The following MRC2 variants were observed in gnomAD, a reference collection of about 807,000 sequenced individuals.
MRC2 encodes C-type mannose receptor 2.
MRC2 carries 84 observed loss-of-function variants against 206.2 expected under a neutral mutation model. The ratio of observed to expected loss-of-function variants is 0.41; its 90% CI spans 0.34 to 0.49. The LOEUF is 0.49. Ranked by LOEUF, MRC2 falls within the 20% of genes least tolerant of loss-of-function variation. MRC2 has a pLI of 0.31. For missense variants in MRC2, 1,676 were observed against 2,001.5 expected, an observed-to-expected ratio of 0.84 and a Z score of 3.10; for synonymous variants, 798 against 800.0, an observed-to-expected ratio of 1.00 and a Z score of 0.04.
chr17:62,627,756 G>T lies in MRC2; in HGVS notation c.-47G>T. ...CCTCGGGGCTGCCACAGCGCGTTGC[G>T]CCTGTGCGCCCTCGGTCCCCGCGTC... On this transcript the variant is annotated 5_prime_UTR_variant, in exon 1 of 30. Coordinates refer to ENST00000303375, the MANE Select transcript of MRC2 (RefSeq NM_006039.5). 1 of 1,331,132 alleles carries T rather than the reference G, an allele frequency of 7.5e-7. No individual in the cohort carries two copies. The highest frequency in any genetic ancestry group is 1.8e-5 in the South Asian group (1 of 55,724). 82.5% of individuals were successfully genotyped at this position (1,331,132 alleles called of 1,614,324 possible). A position where few individuals can be genotyped will look rare whatever the true frequency, so the allele number is the denominator to read the frequency against.
chr17:62,647,157 G>A (rs2088498663), intron 1 of MRC2, among the ~76,000 whole-genome samples: 1 of 149,918 alleles, frequency 6.7e-6, no homozygotes, highest in South Asian at 2.1e-4. Flanking sequence ...TAAAAATGAA[G>A]TTATACTATA....
Position 62,690,233 on chromosome 17 carries a change from C to A in MRC2, c.3820C>A (p.Arg1274=), listed in dbSNP as rs147759673. ...GLADSAWIPF[R]EHCYSFHMEL... is the part of the protein sequence containing the mutation. ...GGCAGACTCCGCGTGGATTCCCTTC[C>A]GGGAGCACTGCTATTCTTTCCACAT... Residue 1274 remains arginine (R), a synonymous_variant, in exon 26 of 30, where the codon CGG becomes AGG. Transcript: ENST00000303375. The A allele has an allele frequency of 1.2e-4, 199 of 1,613,354 alleles. No individual in the cohort carries two copies. Among genetic ancestry groups the A allele is most frequent in the Non-Finnish European group, 1.6e-4 (191 of 1,179,732 alleles).
intron 1 of MRC2, among the ~76,000 whole-genome samples, chr17:62,634,380 A>G (rs1297715108): frequency 6.6e-6 from 1 of 151,896 alleles, no homozygotes; most frequent in African/African-American, 2.4e-5. Context: ...GGCTCACTGC[A>G]ACCTCTGCCT....
rs1406671521 is a variant in MRC2, at chr17:62,689,598, C to T, written c.3411C>T (p.Phe1137=). 6.2e-7 allele frequency: 1 copy of T among 1,604,032 alleles called. No homozygotes were observed. The highest frequency in any genetic ancestry group is 8.5e-7 in the Non-Finnish European group (1 of 1,175,738). ...GTELSYLNGT[F]RLLQKPLRWH... ...AGCTCTCCTACCTCAACGGCACCTT[C>T]CGGCTGCTTCAGAAGCCGCTGCGCT... Residue 1137 remains phenylalanine, a synonymous_variant, in exon 24 of 30, where the codon TTC becomes TTT. Transcript: ENST00000303375.
intron 1 of MRC2, among the ~76,000 whole-genome samples, chr17:62,637,808 C>T (rs1388528962): frequency 6.6e-6 from 1 of 152,198 alleles, no homozygotes; most frequent in Admixed American, 6.5e-5. Flanking sequence ...CCTCAAACAC[C>T]TCCAGAGCAA....
chr17:62,631,783 C>G (rs774902958), intron 1 of MRC2, among the ~76,000 whole-genome samples: 1 of 152,176 alleles, frequency 6.6e-6, no homozygotes, highest in Non-Finnish European at 1.5e-5. Context: ...AAGTGAGTGA[C>G]TCAAGGTGCC....
At position 62,690,309 on chromosome 17, in the gene MRC2, G is replaced by A. The variant is rs2089091096; in HGVS notation, c.3892+4G>A. The A allele has an allele frequency of 6.2e-7, 1 of 1,608,240 alleles. No homozygotes were observed. Among genetic ancestry groups the A allele is most frequent in the Non-Finnish European group, 8.5e-7 (1 of 1,176,988 alleles). ...GCGCGACAGCGCTGCCAGAGAGGTG[G>A]GTGACCAGGCCAGAGCCCACACATG... is the stretch of plus-strand genomic sequence containing the variant. On this transcript the variant is annotated splice_donor_region_variant and intron_variant, in intron 26 of 29. Coordinates refer to ENST00000303375, the MANE Select transcript of MRC2 (RefSeq NM_006039.5).
intron 1 of MRC2, among the ~76,000 whole-genome samples, chr17:62,644,250 C>A (rs142061037): frequency 1.2e-3 from 183 of 151,898 alleles, no homozygotes; most frequent in African/African-American, 4.3e-3. Flanking sequence ...GAAACCCTGT[C>A]TCTACTAAAA....
intron 1 of MRC2, among the ~76,000 whole-genome samples, chr17:62,663,822 T>C (rs2088709037): frequency 6.6e-6 from 1 of 152,048 alleles, no homozygotes; most frequent in East Asian, 1.9e-4. Flanking sequence ...AAGGAGAATT[T>C]TGGCAGAAAA....
At chr17:62,655,916 A>G (rs912076429) in intron 1 of MRC2, among the ~76,000 whole-genome samples, 1 of 151,962 alleles carries the variant, frequency 6.6e-6, no homozygotes, top group African/African-American at 2.4e-5. Context: ...CAGAGGCTGT[A>G]TCTTCTTTTG....
chr17:62,666,399 T>C lies in MRC2; in HGVS notation c.695-56T>C, dbSNP rs2088755409. The C allele has an allele frequency of 6.2e-7, 1 of 1,610,294 alleles. No individual in the cohort carries two copies. The highest frequency in any genetic ancestry group is 8.5e-7 in the Non-Finnish European group (1 of 1,178,850). ...TGTAGCCTTTTGGTGGGGGAGGGTC[T>C]GCACTCCCGAGGGACCCTGGAGGGG... On this transcript the variant is annotated intron_variant, in intron 3 of 29. Coordinates refer to ENST00000303375, the MANE Select transcript of MRC2 (RefSeq NM_006039.5). The surrounding 1 kb of genome is among the most constrained non-coding windows in gnomAD (Gnocchi z 5.0).
At chr17:62,669,201 G>A (rs1161774641) in intron 6 of MRC2, among the ~76,000 whole-genome samples, 1 of 151,798 alleles carries the variant, frequency 6.6e-6, no homozygotes. Flanking sequence ...GCCAATGATC[G>A]ACTCAGGACT....
intron 1 of MRC2, among the ~76,000 whole-genome samples, chr17:62,657,651 T>A (rs780804658): frequency 9.3e-6 from 1 of 107,896 alleles, no homozygotes; most frequent in Non-Finnish European, 1.9e-5. Flanking sequence ...TGGGTGAGGC[T>A]GGAGGGGCCC....
intron 1 of MRC2, among the ~76,000 whole-genome samples, chr17:62,628,547 A>C (rs1217893694): frequency 2.6e-5 from 4 of 152,184 alleles, no homozygotes; most frequent in African/African-American, 9.7e-5. Context: ...ACGCAGCAAC[A>C]GGCTGGGCGC....
intron 19 of MRC2, 127 bp downstream of exon 19, chr17:62,682,064 C>A: frequency 9.1e-7 from 1 of 1,101,230 alleles, no homozygotes; most frequent in Non-Finnish European, 1.3e-6. Context: ...AGGCTAGACT[C>A]AGCGAGGGGT....
chr17:62,679,595 A>G, intron 13 of MRC2: 1 of 454,810 alleles, frequency 2.2e-6, no homozygotes, highest in Non-Finnish European at 3.9e-6. Flanking sequence ...GGCTTGGTCC[A>G]GCTCTCCCCA....
chr17:62,627,817 G>A lies in MRC2; in HGVS notation c.15G>A (p.Arg5=). The stretch of plus-strand genomic sequence containing the variant: ...CGCGCTCGGGGATGGGGCCCGGCCG[G>A]CCGGCCCCCGCGCCCTGGCCTCGTC... MGPG[R]PAPAPWPRHL... Residue 5 remains arginine, a synonymous_variant, in exon 1 of 30, where the codon CGG becomes CGA. Coordinates refer to ENST00000303375, the MANE Select transcript of MRC2 (RefSeq NM_006039.5). 6.9e-7 allele frequency: 1 copy of A among 1,446,828 alleles called. No individual in the cohort carries two copies. Among genetic ancestry groups the A allele is most frequent in the Non-Finnish European group, 9.0e-7 (1 of 1,108,144 alleles). 89.6% of individuals were successfully genotyped at this position (1,446,828 alleles called of 1,614,324 possible).
intron 24 of MRC2, 51 bp from the exon 25 acceptor site, chr17:62,689,843 A>G (rs1341278776): frequency 1.3e-6 from 2 of 1,550,264 alleles, no homozygotes; most frequent in African/African-American, 2.8e-5. Flanking sequence ...CCTTATCCGC[A>G]CCCTATCCTG....
At position 62,689,282 on chromosome 17, in the gene MRC2, C is replaced by T. The variant is rs111512437; in HGVS notation, c.3335-240C>T. 155 of 579,866 alleles carry T rather than the reference C, an allele frequency of 2.7e-4. 1 individual carries two copies. The African/African-American group carries it at 2.8e-3, about 10-fold the overall frequency. The allele number at this position is 579,866 out of a possible 1,614,324, so 35.9% of individuals were successfully genotyped here. ...ACCTCCAGCTCCATGCGTAGGTGGCCTCTGCGCCGGGTTCCTTGGGTAGGA... is the reference window on the plus strand; with the variant it reads ...ACCTCCAGCTCCATGCGTAGGTGGCTTCTGCGCCGGGTTCCTTGGGTAGGA... On this transcript the variant is annotated intron_variant, in intron 23 of 29. Coordinates refer to ENST00000303375, the MANE Select transcript of MRC2 (RefSeq NM_006039.5).
Sources: gnomAD v4.1 joint callset for allele counts (sites outside exome capture counted in the v4.1 genomes callset) on GRCh38, gnomAD v4.1.1 for gene constraint, Gnocchi (gnomAD v3.1) non-coding constraint, MANE v1.5 for transcripts, NCBI Gene and HGNC (gene_info 2026-07-23, HGNC 2026-07-21) for gene names.